The following SYNE1 variants were observed in gnomAD, a reference collection of about 807,000 sequenced individuals.
SYNE1 encodes spectrin repeat containing nuclear envelope protein 1.
Under a neutral mutation model 1,111.0 loss-of-function variants are expected in SYNE1, and 616 were observed. The observed-to-expected ratio is 0.55, with a 90% CI of 0.52 to 0.59. The LOEUF (loss-of-function observed/expected upper bound fraction) is 0.59. Ranked by LOEUF, SYNE1 falls within the 20% of genes least tolerant of loss-of-function variation. SYNE1 has a pLI of 0.00. For missense variants in SYNE1, 10,006 were observed against 10,417.0 expected (o/e 0.96, Z 1.72); for synonymous variants, 3,855 against 3,825.8 (o/e 1.01, Z -0.28).
At chr6:152,278,455 T>C (rs1285999804) in intron 97 of SYNE1, among the ~76,000 whole-genome samples, 175 bp from the exon 98 acceptor site, 4 of 151,908 alleles carry the variant, frequency 2.6e-5, no homozygotes, top group Non-Finnish European at 5.9e-5. Flanking sequence ...TTTTTTTTTA[T>C]ATTTTTTAAT....
rs1394586453 is a variant in SYNE1, at chr6:152,321,772, T to C, written c.16032A>G (p.Glu5344=). ...SVKCWVQETK[E]YLGNPTIEID... is the part of the protein sequence containing the mutation. ...TTTCTATTGTTGGATTCCCTAAATA[T>C]TCTTTCGTTTCCTGAACCCAACATT... Residue 5344 remains glutamate, a synonymous_variant, in exon 83 of 146, where the codon GAA becomes GAG. Coordinates refer to ENST00000367255, the MANE Select transcript of SYNE1 (RefSeq NM_182961.4). The C allele has an allele frequency of 1.2e-6, 2 of 1,613,944 alleles. No individual in the cohort carries two copies. Among genetic ancestry groups the C allele is most frequent in the East Asian group, 2.2e-5 (1 of 44,856 alleles).
chr6:152,376,234 G>A (rs1216618132), intron 58 of SYNE1, 147 bp downstream of exon 58: 1 of 756,888 alleles, frequency 1.3e-6, no homozygotes, highest in Admixed American at 2.2e-5. Context: ...TCATTGGCCT[G>A]CTGCTCACCT....
chr6:152,636,111 G>T (rs2129046598), intron 2 of SYNE1, among the ~76,000 whole-genome samples: 1 of 152,322 alleles, frequency 6.6e-6, no homozygotes, highest in East Asian at 1.9e-4. Context: ...GCCCTCTAGT[G>T]CAGGCTCTGC....
chr6:152,273,195 G>A (rs978285624), intron 98 of SYNE1, among the ~76,000 whole-genome samples: 1 of 152,174 alleles, frequency 6.6e-6, no homozygotes, highest in Non-Finnish European at 1.5e-5. Flanking sequence ...AAGAATTCCC[G>A]TGGACCTGGG....
chr6:152,510,628 A>G (rs1159285075), intron 7 of SYNE1, among the ~76,000 whole-genome samples: 3 of 152,188 alleles, frequency 2.0e-5, no homozygotes, highest in Admixed American at 1.3e-4. Context: ...TAATGGTTAG[A>G]ACAATTATTC....
chr6:152,542,787 T>C (rs1360448921), intron 3 of SYNE1, among the ~76,000 whole-genome samples: 1 of 152,256 alleles, frequency 6.6e-6, no homozygotes, highest in East Asian at 1.9e-4. Context: ...TTAGGTTGTA[T>C]AAATAAAGTT....
intron 59 of SYNE1, among the ~76,000 whole-genome samples, chr6:152,372,560 C>A (rs2097207986): frequency 6.6e-6 from 1 of 152,132 alleles, no homozygotes; most frequent in Non-Finnish European, 1.5e-5. Context: ...GATTCATCTT[C>A]TATTGTGTGT....
intron 137 of SYNE1, chr6:152,145,636 G>A (rs2059344791): frequency 6.2e-6 from 8 of 1,290,634 alleles, no homozygotes; most frequent in East Asian, 2.3e-5. Flanking sequence ...ACTTTCCTAG[G>A]GGAAAAAAAG....
intron 4 of SYNE1, among the ~76,000 whole-genome samples, chr6:152,527,100 C>T (rs1380464837): frequency 6.6e-6 from 1 of 152,108 alleles, no homozygotes; most frequent in Non-Finnish European, 1.5e-5. Flanking sequence ...CTTTCTGATT[C>T]TTACTGAATC....
chr6:152,424,945 G>A (rs546531446), intron 39 of SYNE1, among the ~76,000 whole-genome samples: 2 of 152,170 alleles, frequency 1.3e-5, no homozygotes, highest in African/African-American at 2.4e-5. Context: ...ATCCATTTTT[G>A]CCTCCATTTA....
Position 152,369,127 on chromosome 6 carries a change from A to C in SYNE1, c.9652T>G (p.Ser3218Ala). The change falls in exon 61 of 146, where the codon TCT becomes GCT. Residue 3218 changes from serine to alanine, a missense_variant and splice_region_variant. By Grantham distance (99) the Ser-to-Ala change is moderately conservative. Coordinates refer to ENST00000367255, the MANE Select transcript of SYNE1 (RefSeq NM_182961.4). ...AKRREQQKLQ[S>A]VLEEIHCYEP... ...TAGCAGTGTATTTCCTCAAGGACAGACTGAAAAGCACAAGCAAGTTACTAT... is the reference window on the plus strand; with the variant it reads ...TAGCAGTGTATTTCCTCAAGGACAGCCTGAAAAGCACAAGCAAGTTACTAT... The C allele has an allele frequency of 6.2e-7, 1 of 1,613,000 alleles. No individual in the cohort carries two copies. The highest frequency in any genetic ancestry group is 8.5e-7 in the Non-Finnish European group (1 of 1,180,022).
intron 5 of SYNE1, among the ~76,000 whole-genome samples, chr6:152,521,335 T>C (rs1268107787): frequency 6.6e-6 from 1 of 152,180 alleles, no homozygotes; most frequent in Non-Finnish European, 1.5e-5. Context: ...CTTCTCACCT[T>C]TTGTACAAGC....
At chr6:152,318,406 G>GAA (rs1333809264) in intron 85 of SYNE1, 143 bp from the exon 86 acceptor site, 3 of 945,138 alleles carry the variant, frequency 3.2e-6, no homozygotes, top group Non-Finnish European at 3.2e-6. Context: ...GGTCATTTTT[G>GAA]TTTCTTCGGT....
At chr6:152,527,957 C>T (rs2099170938) in intron 4 of SYNE1, among the ~76,000 whole-genome samples, 1 of 152,236 alleles carries the variant, frequency 6.6e-6, no homozygotes, top group South Asian at 2.1e-4. Context: ...CCAGCTGTTC[C>T]CTCCACAAGG....
At position 152,329,922 on chromosome 6, in the gene SYNE1, T is replaced by C. The variant is rs1274985311; in HGVS notation, c.14763A>G (p.Gln4921=). The C allele has an allele frequency of 2.5e-6, 4 of 1,614,208 alleles. No individual in the cohort carries two copies. The highest frequency in any genetic ancestry group is 1.7e-5 in the Admixed American group (1 of 60,026). Residue 4921 remains glutamine, a synonymous_variant, in exon 78 of 146, where the codon CAA becomes CAG. Coordinates refer to ENST00000367255, the MANE Select transcript of SYNE1 (RefSeq NM_182961.4). ...GAATTTGGATTTTTCTGATTTCCTC[T>C]TGGATGTCCTGCAGGTTGAGGTCTA... ...VYLDLNLQDI[Q]EEIRKIQIHQ...
At chr6:152,400,389 T>G (rs550629570) in intron 47 of SYNE1, among the ~76,000 whole-genome samples, 172 of 152,062 alleles carry the variant, frequency 1.1e-3, no homozygotes, top group African/African-American at 4.0e-3. Context: ...ATGGGCCAGG[T>G]GTGGTGGCTC....
At chr6:152,145,520 T>A in intron 137 of SYNE1, 2 of 1,614,074 alleles carry the variant, frequency 1.2e-6, no homozygotes, top group Non-Finnish European at 1.7e-6. Context: ...TCTGTGAGTT[T>A]TACATAGGCC....
At chr6:152,382,153 C>T (rs754962870) in intron 55 of SYNE1, among the ~76,000 whole-genome samples, 4 of 152,110 alleles carry the variant, frequency 2.6e-5, no homozygotes, top group Non-Finnish European at 4.4e-5. Flanking sequence ...AGAATAGATT[C>T]TCTTACTAAA....
chr6:152,520,355 T>G (rs1465832711), intron 6 of SYNE1, 104 bp downstream of exon 6: 3 of 1,092,278 alleles, frequency 2.7e-6, no homozygotes, highest in Non-Finnish European at 2.8e-6. Context: ...GCTGTATAGA[T>G]TACATGCCAT....
Sources: gnomAD v4.1 joint callset for allele counts (sites outside exome capture counted in the v4.1 genomes callset) on GRCh38, gnomAD v4.1.1 for gene constraint, MANE v1.5 for transcripts, NCBI Gene and HGNC (gene_info 2026-07-23, HGNC 2026-07-21) for gene names.